The following MAGI1 variants were observed in gnomAD, a reference collection of about 807,000 sequenced individuals.
The protein encoded by MAGI1 is membrane associated guanylate kinase, WW and PDZ domain containing 1.
MAGI1 carries 58 observed loss-of-function variants against 139.9 expected under a neutral mutation model. The ratio of observed to expected loss-of-function variants is 0.41; its 90% CI spans 0.34 to 0.52. MAGI1 has a LOEUF of 0.52. MAGI1 is among the 20% of genes least tolerant of loss of function. MAGI1 has a pLI of 0.12. For synonymous variants in MAGI1, 812 were observed against 737.9 expected, an observed-to-expected ratio of 1.10 and a Z score of -1.63; for missense variants, 1,874 against 1,901.6, an observed-to-expected ratio of 0.99 and a Z score of 0.27.
chr3:65,931,202 G>C (rs552361359), intron 1 of MAGI1, among the ~76,000 whole-genome samples: 1 of 152,028 alleles, frequency 6.6e-6, no homozygotes, highest in South Asian at 2.1e-4. Context: ...CCAGCTGATT[G>C]TTTATATTTT....
rs554795802 is a variant in MAGI1 at position 65,565,653 on chromosome 3, T to C, written c.430+56319A>G. On this transcript the variant is annotated intron_variant, in intron 2 of 22. Coordinates refer to ENST00000402939, the MANE Select transcript of MAGI1 (RefSeq NM_001033057.2). ...AGGCAGATCACTTGAGGTTAGGAGT[T>C]CAAGACCAGCCTGGTCAACATGGTG... Among the ~76,000 whole-genome samples the C allele has an allele frequency of 4.0e-5, 6 of 151,644 alleles. No homozygotes were observed. In the South Asian group the frequency reaches 1.0e-3, roughly 26 times the overall value.
intron 2 of MAGI1, among the ~76,000 whole-genome samples, chr3:65,577,639 A>C (rs542242240): frequency 6.6e-6 from 1 of 152,066 alleles, no homozygotes; most frequent in Non-Finnish European, 1.5e-5. Flanking sequence ...ACTAAATTCA[A>C]CACCACCAGT....
At chr3:65,800,338 A>G (rs2040434841) in intron 1 of MAGI1, among the ~76,000 whole-genome samples, 1 of 152,244 alleles carries the variant, frequency 6.6e-6, no homozygotes, top group Non-Finnish European at 1.5e-5. Flanking sequence ...GTGGCATGTT[A>G]AATATTAAAT....
chr3:65,408,488 G>A (rs780005641), intron 12 of MAGI1, among the ~76,000 whole-genome samples: 7 of 152,070 alleles, frequency 4.6e-5, no homozygotes, highest in Non-Finnish European at 7.4e-5. Context: ...GATTATCGAG[G>A]CAAAGTCACA....
chr3:65,910,164 TTCTG>T (rs749631837), intron 1 of MAGI1, among the ~76,000 whole-genome samples: 4 of 152,208 alleles, frequency 2.6e-5, no homozygotes, highest in Non-Finnish European at 5.9e-5. Context: ...GCTCATAACC[TTCTG>T]TCTATGTTTG....
intron 1 of MAGI1, among the ~76,000 whole-genome samples, chr3:65,742,414 A>G (rs2035349865): frequency 6.6e-6 from 1 of 152,192 alleles, no homozygotes; most frequent in African/African-American, 2.4e-5. Flanking sequence ...ATGTAGAGCA[A>G]GTAAGGGCTT....
intron 1 of MAGI1, among the ~76,000 whole-genome samples, chr3:65,654,888 T>C (rs2085786118): frequency 6.6e-6 from 1 of 152,218 alleles, no homozygotes; most frequent in African/African-American, 2.4e-5. Context: ...TATTGCCCAG[T>C]TGTTATAAAA....
At chr3:65,983,664 C>A (rs2065710471) in intron 1 of MAGI1, among the ~76,000 whole-genome samples, 1 of 152,094 alleles carries the variant, frequency 6.6e-6, no homozygotes, top group Admixed American at 6.5e-5. Context: ...ATCTCTCTCT[C>A]CCTCCCAATT....
chr3:65,726,607 G>A (rs1018413760), intron 1 of MAGI1, among the ~76,000 whole-genome samples: 2 of 152,116 alleles, frequency 1.3e-5, no homozygotes, highest in Admixed American at 1.3e-4. Flanking sequence ...AATGGCTAGA[G>A]AGAATTATTG....
chr3:65,953,604 C>T (rs1465520917), intron 1 of MAGI1, among the ~76,000 whole-genome samples: 1 of 152,106 alleles, frequency 6.6e-6, no homozygotes, highest in Non-Finnish European at 1.5e-5. Flanking sequence ...GGAAACCAGC[C>T]CTACAGGTGT....
rs567239100 is a variant in MAGI1, at chr3:65,648,961, C to A, written c.314-26873G>T. On this transcript the variant is annotated intron_variant, in intron 1 of 22. Transcript: ENST00000402939. ...AAAGCAATTCAGTGGAGAAAGGACACCCTTTTCAACAAATGATACTGAAAC... is the reference window on the plus strand; with the variant it reads ...AAAGCAATTCAGTGGAGAAAGGACAACCTTTTCAACAAATGATACTGAAAC... Among the ~76,000 whole-genome samples the A allele has an allele frequency of 2.0e-5, 3 of 152,216 alleles. No homozygotes were observed. The East Asian group carries it at 5.8e-4, about 29-fold the overall frequency.
intron 13 of MAGI1, among the ~76,000 whole-genome samples, chr3:65,399,094 C>T (rs1226610420): frequency 6.6e-6 from 1 of 152,066 alleles, no homozygotes; most frequent in Non-Finnish European, 1.5e-5. Flanking sequence ...AACAAAACAA[C>T]CACAACACAA....
intron 13 of MAGI1, 50 bp downstream of exon 13, chr3:65,401,389 C>T: frequency 6.5e-7 from 1 of 1,548,748 alleles, no homozygotes; most frequent in Non-Finnish European, 8.8e-7. Flanking sequence ...TCCAGCCCCC[C>T]ACCATCCACC....
intron 1 of MAGI1, among the ~76,000 whole-genome samples, chr3:66,001,243 G>T (rs1410240255): frequency 2.0e-5 from 3 of 152,036 alleles, no homozygotes; most frequent in Non-Finnish European, 4.4e-5. Flanking sequence ...GGTGAAGGGG[G>T]ATGAAGACCT....
chr3:65,453,008 C>G, intron 6 of MAGI1: 1 of 407,056 alleles, frequency 2.5e-6, no homozygotes, highest in East Asian at 3.8e-5. Flanking sequence ...TTCATTTGAA[C>G]AGTTTCTGAC....
rs563278029 is a variant in MAGI1, at chr3:65,897,964, A to C, written c.313+140032T>G. Among the ~76,000 whole-genome samples the C allele has an allele frequency of 2.0e-5, 3 of 152,332 alleles. No homozygotes were observed. In the East Asian group the frequency reaches 5.8e-4, roughly 29 times the overall value. ...CATTCTACCACAGGGATCACTTTTA[A>C]AGGCATACTGTTTTCAGAAAGACAG... On this transcript the variant is annotated intron_variant, in intron 1 of 22. Transcript: ENST00000402939.
intron 2 of MAGI1, among the ~76,000 whole-genome samples, chr3:65,580,956 T>C (rs1339106755): frequency 6.6e-6 from 1 of 152,192 alleles, no homozygotes; most frequent in East Asian, 1.9e-4. Context: ...CCTGCAAGCC[T>C]GTCCCATCTC....
At chr3:65,861,536 T>G (rs1215225063) in intron 1 of MAGI1, among the ~76,000 whole-genome samples, 2 of 152,166 alleles carry the variant, frequency 1.3e-5, no homozygotes, top group East Asian at 3.9e-4. Context: ...ATGTTAGTAC[T>G]GTAATAGGGA....
At chr3:65,410,687 G>A (rs754940515) in intron 12 of MAGI1, among the ~76,000 whole-genome samples, 4 of 152,128 alleles carry the variant, frequency 2.6e-5, no homozygotes, top group South Asian at 4.1e-4. Context: ...ACAGATAGCC[G>A]AAGAGTGTAT....
Sources: gnomAD v4.1 joint callset for allele counts (sites outside exome capture counted in the v4.1 genomes callset) on GRCh38, gnomAD v4.1.1 for gene constraint, MANE v1.5 for transcripts, NCBI Gene and HGNC (gene_info 2026-07-23, HGNC 2026-07-21) for gene names.